Variants in FAM118B observed in about 807,000 individuals in gnomAD.
FAM118B encodes SIR2 antiphage like 1.
In FAM118B, 24 loss-of-function variants were observed where a neutral mutation model predicts 38.5. The ratio of observed to expected loss-of-function variants is 0.62; its 90% CI spans 0.45 to 0.88. FAM118B has a LOEUF of 0.88. Ranked by LOEUF, FAM118B falls within the 40% of genes least tolerant of loss-of-function variation. FAM118B has a pLI of 0.00. For synonymous variants in FAM118B, 138 were observed against 156.3 expected (o/e 0.88, Z 0.87); for missense variants, 334 against 420.0 (o/e 0.80, Z 1.79).
At chr11:126,231,868 A>C (rs1175285298) in intron 2 of FAM118B, among the ~76,000 whole-genome samples, 1 of 152,202 alleles carries the variant, frequency 6.6e-6, no homozygotes, top group Non-Finnish European at 1.5e-5. Flanking sequence ...AGAAGTATAT[A>C]ACAAATAGTG....
chr11:126,239,555 A>G (rs1203824000), intron 3 of FAM118B, among the ~76,000 whole-genome samples: 2 of 152,124 alleles, frequency 1.3e-5, no homozygotes, highest in African/African-American at 2.4e-5. Flanking sequence ...ATCTTTCAAG[A>G]TCAGGGACTC....
At chr11:126,213,709 A>G (rs984192829) in intron 1 of FAM118B, among the ~76,000 whole-genome samples, 4 of 152,206 alleles carry the variant, frequency 2.6e-5, no homozygotes, top group Admixed American at 2.0e-4. Flanking sequence ...CATTCAAGAA[A>G]CTACACCTGT....
At chr11:126,218,386 C>G (rs898994107) in intron 1 of FAM118B, among the ~76,000 whole-genome samples, 4 of 152,204 alleles carry the variant, frequency 2.6e-5, no homozygotes, top group African/African-American at 9.7e-5. Flanking sequence ...GAAGAGAGCA[C>G]TGGATTGAGA....
intron 1 of FAM118B, chr11:126,214,514 G>GTTTTTTTTTTTTTTTTTT (rs71048770): frequency 4.8e-5 from 2 of 41,498 alleles, no homozygotes; most frequent in African/African-American, 5.8e-5. Flanking sequence ...TTTTTTTTTT[G>GTTTTTTTTTTTTTTTTTT]TTTTTTTTTT....
intron 1 of FAM118B, among the ~76,000 whole-genome samples, chr11:126,225,320 A>G (rs519586): frequency 0.18 from 27,580 of 152,122 alleles, 2,625 homozygotes; most frequent in South Asian, 0.22. Context: ...TAAGTTTCCA[A>G]TCTTAAATTT....
At chr11:126,224,199 C>G (rs1565326440) in intron 1 of FAM118B, among the ~76,000 whole-genome samples, 1 of 152,064 alleles carries the variant, frequency 6.6e-6, no homozygotes, top group East Asian at 1.9e-4. Context: ...AGGGCCAGGT[C>G]CAGTGACTCT....
chr11:126,244,117 A>G lies in FAM118B; in HGVS notation c.339+3073A>G, dbSNP rs898621454. 2.6e-5 allele frequency among the ~76,000 whole-genome samples: 4 copies of G among 152,236 alleles called. No individual in the cohort carries two copies. The highest frequency in any genetic ancestry group is 4.8e-5 in the African/African-American group (2 of 41,464). On this transcript the variant is annotated intron_variant, in intron 4 of 8. Coordinates refer to ENST00000533050, the MANE Select transcript of FAM118B (RefSeq NM_024556.4). The surrounding 1 kb of genome is among the most constrained non-coding windows in gnomAD (Gnocchi z 4.5). Reference sequence around the variant, plus strand: ...TACCTCAACACGATAAAGACCGTATATGAAAAACTCACAGTTAACATATTT... The same window carrying G: ...TACCTCAACACGATAAAGACCGTATGTGAAAAACTCACAGTTAACATATTT...
Position 126,214,788 on chromosome 11 carries a change from ATAGT to A in FAM118B, c.-77+2960_-77+2963del, listed in dbSNP as rs568766409. ...AAGTAACCATATAAAGAAGAACTTG[ATAGT>A]TTCTTTTTAAAGATATTTCCTAGTC... On this transcript the variant is annotated intron_variant, in intron 1 of 8. Transcript: ENST00000533050. 1.1e-4 allele frequency among the ~76,000 whole-genome samples: 17 copies of A among 152,222 alleles called. No individual in the cohort carries two copies. The South Asian group carries it at 3.5e-3, about 32-fold the overall frequency.
intron 2 of FAM118B, among the ~76,000 whole-genome samples, chr11:126,234,053 G>T (rs892670576): frequency 6.6e-6 from 1 of 152,176 alleles, no homozygotes; most frequent in African/African-American, 2.4e-5. Context: ...CTGTACTCTA[G>T]CCTGGACAAC....
intron 1 of FAM118B, among the ~76,000 whole-genome samples, chr11:126,217,433 C>A (rs1949994850): frequency 6.6e-6 from 1 of 152,230 alleles, no homozygotes; most frequent in Non-Finnish European, 1.5e-5. Context: ...ACACCTCTGT[C>A]AAATACTGTT....
intron 6 of FAM118B, among the ~76,000 whole-genome samples, chr11:126,254,892 G>A (rs1282992008): frequency 6.6e-6 from 1 of 152,192 alleles, no homozygotes; most frequent in Non-Finnish European, 1.5e-5. Context: ...GGGTGTGCAT[G>A]CTGTCTAGGA....
chr11:126,226,138 T>C (rs1229680439), intron 1 of FAM118B, among the ~76,000 whole-genome samples: 2 of 148,130 alleles, frequency 1.4e-5, no homozygotes, highest in African/African-American at 5.0e-5. Context: ...CCTATCACTG[T>C]GAGTTAGGCA....
rs1950179938 is a variant in FAM118B, at chr11:126,229,306, C to A, written c.-8+13C>A. 6.6e-6 allele frequency: 1 copy of A among 152,182 alleles called. No homozygotes were observed. Among genetic ancestry groups the A allele is most frequent in the African/African-American group, 2.4e-5 (1 of 41,440 alleles). The allele number at this position is 152,182 out of a possible 1,614,324, so 9.4% of individuals were successfully genotyped here. On this transcript the variant is annotated intron_variant, in intron 2 of 8. Coordinates refer to ENST00000533050, the MANE Select transcript of FAM118B (RefSeq NM_024556.4). ...CATTCTTTGCACGGTAAAATCATCA[C>A]CTCCAGTCACCAACTTCTAATTCAA...
chr11:126,230,773 G>A (rs966777900), intron 2 of FAM118B, among the ~76,000 whole-genome samples: 4 of 152,152 alleles, frequency 2.6e-5, no homozygotes, highest in African/African-American at 9.7e-5. Flanking sequence ...TGAAGAAGGC[G>A]GGCTGGGAGA....
At chr11:126,226,823 A>C (rs1004545065) in intron 1 of FAM118B, among the ~76,000 whole-genome samples, 14 of 151,940 alleles carry the variant, frequency 9.2e-5, no homozygotes, top group Non-Finnish European at 1.5e-4. Context: ...TCTACAAAAA[A>C]TTAGCCAGGC....
chr11:126,218,264 C>T (rs1428309773), intron 1 of FAM118B, among the ~76,000 whole-genome samples: 2 of 152,156 alleles, frequency 1.3e-5, no homozygotes, highest in Non-Finnish European at 2.9e-5. Context: ...GTGATGTGGG[C>T]CTTTGCACCT....
chr11:126,262,348 A>G lies in FAM118B; in HGVS notation c.*215A>G, dbSNP rs1489146640. ...TGCCGCCTGTTCAAGTTCAAGAATA[A>G]AAGCGACAGCAGGACCCAAATGCAG... is the stretch of plus-strand genomic sequence containing the variant. On this transcript the variant is annotated 3_prime_UTR_variant, in exon 9 of 9. Transcript: ENST00000533050. 4 of 570,634 alleles carry G rather than the reference A, an allele frequency of 7.0e-6. No homozygotes were observed. The highest frequency in any genetic ancestry group is 1.2e-5 in the Non-Finnish European group (4 of 322,928). 35.3% of individuals were successfully genotyped at this position (570,634 alleles called of 1,614,324 possible).
intron 1 of FAM118B, among the ~76,000 whole-genome samples, chr11:126,214,696 A>G (rs1258527647): frequency 2.0e-5 from 3 of 151,878 alleles, no homozygotes; most frequent in African/African-American, 7.3e-5. Context: ...TCATTCTTGC[A>G]GACTACGGCT....
intron 3 of FAM118B, among the ~76,000 whole-genome samples, chr11:126,239,401 G>A (rs537590426): frequency 6.6e-6 from 1 of 152,146 alleles, no homozygotes; most frequent in Non-Finnish European, 1.5e-5. Context: ...TATACATCTT[G>A]TGAATCCTAG....
Sources: gnomAD v4.1 joint callset for allele counts (sites outside exome capture counted in the v4.1 genomes callset) on GRCh38, gnomAD v4.1.1 for gene constraint, Gnocchi (gnomAD v3.1) non-coding constraint, MANE v1.5 for transcripts, NCBI Gene and HGNC (gene_info 2026-07-23, HGNC 2026-07-21) for gene names.